SGCZ: variants seen among roughly 807,000 people sequenced by gnomAD.
SGCZ encodes the protein sarcoglycan zeta.
Under a neutral mutation model 41.3 loss-of-function variants are expected in SGCZ, and 40 were observed. The observed-to-expected ratio is 0.97, with a 90% CI of 0.75 to 1.26. SGCZ has a LOEUF of 1.26. SGCZ is among the 50% of genes most tolerant of loss of function. SGCZ has a pLI of 0.00. For missense variants in SGCZ, 552 were observed against 369.8 expected, an observed-to-expected ratio of 1.49 and a Z score of -4.04; for synonymous variants, 206 against 137.5, an observed-to-expected ratio of 1.50 and a Z score of -3.49.
chr8:14,406,771 A>T lies in SGCZ; in HGVS notation c.235-82567T>A, dbSNP rs74503247. 4.9e-3 allele frequency among the ~76,000 whole-genome samples: 749 copies of T among 152,296 alleles called. 10 individuals are homozygous for T. The highest frequency in any genetic ancestry group is 0.049 in the East Asian group (253 of 5,166). Reference sequence around the variant, plus strand: ...CCACTCTCATTCCAGAAATTTTTGCATACGCCACCCTTTAATTTGAAAATA... The same window carrying T: ...CCACTCTCATTCCAGAAATTTTTGCTTACGCCACCCTTTAATTTGAAAATA... On this transcript the variant is annotated intron_variant, in intron 2 of 7. Transcript: ENST00000382080.
At chr8:14,864,148 T>G (rs1803846889) in intron 1 of SGCZ, among the ~76,000 whole-genome samples, 1 of 152,118 alleles carries the variant, frequency 6.6e-6, no homozygotes, top group African/African-American at 2.4e-5. Flanking sequence ...AAAACATCAT[T>G]GGATTTTCAG....
rs532209831 is a variant in SGCZ at position 14,201,826 on chromosome 8, A to T, written c.424+35766T>A. 5.9e-5 allele frequency among the ~76,000 whole-genome samples: 9 copies of T among 152,138 alleles called. No homozygotes were observed. In the South Asian group the frequency reaches 1.9e-3, roughly 31 times the overall value. On this transcript the variant is annotated intron_variant, in intron 4 of 7. Transcript: ENST00000382080. ...TGTTTATAGAAATGACAATTTCAAG[A>T]TTATCAGAAGTATCACTAGTGAGAT...
chr8:14,190,622 A>C (rs1291000849), intron 4 of SGCZ, among the ~76,000 whole-genome samples: 1 of 151,792 alleles, frequency 6.6e-6, no homozygotes, highest in Non-Finnish European at 1.5e-5. Context: ...TGTTTTTTTG[A>C]GATGGAGTCT....
rs958404832 is a variant in SGCZ, at chr8:14,514,672, AAT to A, written c.234+40058_234+40059del. 4.1e-5 allele frequency among the ~76,000 whole-genome samples: 6 copies of A among 147,836 alleles called. No individual in the cohort carries two copies. In the South Asian group the frequency reaches 8.4e-4, roughly 21 times the overall value. The stretch of plus-strand genomic sequence containing the variant: ...ATTTTGGACTTTACATATATATGTA[AAT>A]ATATATACGTATATATTTACATATA... On this transcript the variant is annotated intron_variant, in intron 2 of 7. Coordinates refer to ENST00000382080, the MANE Select transcript of SGCZ (RefSeq NM_139167.4).
At chr8:14,983,428 G>A (rs930402332) in intron 1 of SGCZ, among the ~76,000 whole-genome samples, 1 of 151,904 alleles carries the variant, frequency 6.6e-6, no homozygotes, top group African/African-American at 2.4e-5. Context: ...CACCCAGGCT[G>A]AAGTGCAGTG....
intron 2 of SGCZ, among the ~76,000 whole-genome samples, chr8:14,368,789 T>C (rs1022335889): frequency 6.6e-6 from 1 of 151,526 alleles, no homozygotes; most frequent in African/African-American, 2.4e-5. Context: ...GTTTGTAATG[T>C]GATAAACTCA....
chr8:14,664,891 T>A (rs7819355), intron 1 of SGCZ, among the ~76,000 whole-genome samples: 90,119 of 152,034 alleles, frequency 0.59, 29,124 homozygotes, highest in African/African-American at 0.84. Context: ...TTGTGGTTAG[T>A]AGAGGTGGCT....
chr8:14,956,459 G>C lies in SGCZ; in HGVS notation c.39+281126C>G, dbSNP rs140128786. On this transcript the variant is annotated intron_variant, in intron 1 of 7. Coordinates refer to ENST00000382080, the MANE Select transcript of SGCZ (RefSeq NM_139167.4). Reference sequence around the variant, plus strand: ...TTATTAATTTTTGAAATATTAAATAGAAGTTTATATTTTACATATTTTTAT... The same window carrying C: ...TTATTAATTTTTGAAATATTAAATACAAGTTTATATTTTACATATTTTTAT... Among the ~76,000 whole-genome samples the C allele has an allele frequency of 3.4e-3, 521 of 152,162 alleles. 3 individuals carry two copies. The highest frequency in any genetic ancestry group is 0.02 in the Middle Eastern group (6 of 294).
chr8:14,714,656 T>A lies in SGCZ; in HGVS notation c.40-159730A>T, dbSNP rs1020296977. Among the ~76,000 whole-genome samples the A allele has an allele frequency of 2.0e-5, 3 of 152,068 alleles. No homozygotes were observed. In the East Asian group the frequency reaches 5.8e-4, roughly 29 times the overall value. Reference sequence around the variant, plus strand: ...GCAGATGATTAAAGAAAATTTAATGTAAAATATCCAAGAGAAAACTGATCA... The same window carrying A: ...GCAGATGATTAAAGAAAATTTAATGAAAAATATCCAAGAGAAAACTGATCA... On this transcript the variant is annotated intron_variant, in intron 1 of 7. Transcript: ENST00000382080.
rs550545152 is a variant in SGCZ at position 14,122,653 on chromosome 8, T to A, written c.548-14418A>T. On this transcript the variant is annotated intron_variant, in intron 5 of 7. Transcript: ENST00000382080. Reference sequence around the variant, plus strand: ...AATATCCATAAGATATGCATAAATGTCTACATTTTTAAAGAGTCATAACAT... The same window carrying A: ...AATATCCATAAGATATGCATAAATGACTACATTTTTAAAGAGTCATAACAT... 1.3e-5 allele frequency among the ~76,000 whole-genome samples: 2 copies of A among 152,184 alleles called. 1 individual carries two copies. Among genetic ancestry groups the A allele is most frequent in the South Asian group, 4.1e-4 (2 of 4,836 alleles).
intron 1 of SGCZ, among the ~76,000 whole-genome samples, chr8:15,067,723 T>C (rs1428182583): frequency 6.6e-6 from 1 of 152,210 alleles, no homozygotes; most frequent in Non-Finnish European, 1.5e-5. Flanking sequence ...ATTTTTTCTT[T>C]CATCTATAAA....
intron 1 of SGCZ, among the ~76,000 whole-genome samples, chr8:14,564,239 T>C (rs1446413570): frequency 6.6e-6 from 1 of 152,208 alleles, no homozygotes; most frequent in African/African-American, 2.4e-5. Flanking sequence ...CCAAAACCTC[T>C]TCAGTTCCTT....
At chr8:14,725,615 G>C (rs1810024102) in intron 1 of SGCZ, among the ~76,000 whole-genome samples, 1 of 152,208 alleles carries the variant, frequency 6.6e-6, no homozygotes, top group East Asian at 1.9e-4. Context: ...ACAATGTGAA[G>C]GCAAATTTAA....
chr8:14,827,997 T>C (rs1365346168), intron 1 of SGCZ, among the ~76,000 whole-genome samples: 2 of 152,182 alleles, frequency 1.3e-5, no homozygotes, highest in Non-Finnish European at 2.9e-5. Context: ...AATAAACTCG[T>C]ACTACTTGTT....
At chr8:14,722,342 A>C (rs981990115) in intron 1 of SGCZ, among the ~76,000 whole-genome samples, 7 of 152,068 alleles carry the variant, frequency 4.6e-5, no homozygotes. Flanking sequence ...ACTAAGCAAT[A>C]ATTTTCAAAA....
intron 1 of SGCZ, among the ~76,000 whole-genome samples, chr8:15,033,504 AC>A (rs1228118098): frequency 6.6e-6 from 1 of 151,364 alleles, no homozygotes; most frequent in Non-Finnish European, 1.5e-5. Context: ...TACCTGTGTG[AC>A]CCCCCTGGAC....
chr8:15,093,346 C>G (rs552889998), intron 1 of SGCZ, among the ~76,000 whole-genome samples: 33 of 152,304 alleles, frequency 2.2e-4, no homozygotes, highest in African/African-American at 7.2e-4. Flanking sequence ...TAGCTCAAAA[C>G]AGTACTATCT....
At chr8:14,754,715 GTT>G (rs774674704) in intron 1 of SGCZ, among the ~76,000 whole-genome samples, 2 of 152,066 alleles carry the variant, frequency 1.3e-5, no homozygotes, top group Non-Finnish European at 2.9e-5. Context: ...AATATAGTTT[GTT>G]TTTGTTTTGA....
chr8:14,192,019 A>G (rs114067324), intron 4 of SGCZ, among the ~76,000 whole-genome samples: 1,703 of 152,226 alleles, frequency 0.011, 41 homozygotes, highest in African/African-American at 0.039. Flanking sequence ...TAAACATACT[A>G]TTAATAGGAG....
Sources: allele counts gnomAD v4.1 joint callset (sites outside exome capture counted in the v4.1 genomes callset), GRCh38; gene constraint gnomAD v4.1.1; transcripts MANE v1.5; gene names NCBI Gene and HGNC (gene_info 2026-07-23, HGNC 2026-07-21).